The following ZFYVE28 variants were observed in gnomAD, a reference collection of about 807,000 sequenced individuals.
The protein encoded by ZFYVE28 is lateral signaling target protein 2 homolog.
ZFYVE28 carries 40 observed loss-of-function variants against 82.1 expected under a neutral mutation model. That is an observed-to-expected ratio of 0.49 (90% confidence interval 0.38 to 0.63). The LOEUF is 0.63. Among genes scored for constraint, ZFYVE28 ranks in the 30% least tolerant of loss-of-function variants. The probability of loss-of-function intolerance (pLI) is 0.00; values close to 1 mark genes in which losing one functional copy is unlikely to be tolerated. For missense variants in ZFYVE28, 1,321 were observed against 1,242.1 expected, an observed-to-expected ratio of 1.06 and a Z score of -0.96; for synonymous variants, 612 against 546.1, an observed-to-expected ratio of 1.12 and a Z score of -1.68.
Position 2,270,265 on chromosome 4 carries a change from C to T in ZFYVE28, c.*460G>A, listed in dbSNP as rs7678167. 5.8e-5 allele frequency: 10 copies of T among 172,760 alleles called. No homozygotes were observed. The highest frequency in any genetic ancestry group is 7.2e-5 in the African/African-American group (3 of 41,820). The allele number at this position is 172,760 out of a possible 1,614,324, so 10.7% of individuals were successfully genotyped here. A position where few individuals can be genotyped will look rare whatever the true frequency, so the allele number is the denominator to read the frequency against. ...GGGAGAATGGGTAGCCTGCATTTGACGTTTGGGAGGCACATAGGGAGCCCT... is the reference window on the plus strand; with the variant it reads ...GGGAGAATGGGTAGCCTGCATTTGATGTTTGGGAGGCACATAGGGAGCCCT... On this transcript the variant is annotated 3_prime_UTR_variant, in exon 13 of 13. Transcript: ENST00000290974.
Position 2,341,366 on chromosome 4 carries a change from G to T in ZFYVE28, c.318+112C>A. On this transcript the variant is annotated intron_variant, in intron 3 of 12. Coordinates refer to ENST00000290974, the MANE Select transcript of ZFYVE28 (RefSeq NM_020972.3). This position sits in a 1 kb window ranked among gnomAD's most constrained non-coding sequence, Gnocchi z 4.5. The stretch of plus-strand genomic sequence containing the variant: ...GTAACCCAGAGTGGACGGAGCTCTT[G>T]GAGGAGACACCAGGTCCCGGCACCT... 7.0e-7 allele frequency: 1 copy of T among 1,432,020 alleles called. No homozygotes were observed. The highest frequency in any genetic ancestry group is 9.5e-7 in the Non-Finnish European group (1 of 1,049,426). 88.7% of individuals were successfully genotyped at this position (1,432,020 alleles called of 1,614,324 possible).
chr4:2,270,918 C>A (rs1735850467), intron 12 of ZFYVE28, 62 bp from the exon 13 acceptor site: 1 of 1,558,658 alleles, frequency 6.4e-7, no homozygotes, highest in Admixed American at 1.9e-5. Context: ...CCTGGCTCCT[C>A]GCCCTCCCAC....
chr4:2,309,672 A>G (rs553355102), intron 7 of ZFYVE28, among the ~76,000 whole-genome samples: 2 of 152,280 alleles, frequency 1.3e-5, no homozygotes, highest in South Asian at 4.1e-4. Flanking sequence ...CCAGAAAACA[A>G]TGTTAAATGG....
intron 6 of ZFYVE28, among the ~76,000 whole-genome samples, chr4:2,326,730 G>A (rs1334556574): frequency 6.6e-6 from 1 of 152,082 alleles, no homozygotes; most frequent in East Asian, 1.9e-4. Flanking sequence ...AGTTTTCTGT[G>A]TACAGGTTTT....
At position 2,396,312 on chromosome 4, in the gene ZFYVE28, C is replaced by T; in HGVS notation, c.39+21973G>A. 3.1e-4 allele frequency among the ~76,000 whole-genome samples: 2 copies of T among 6,434 alleles called. 1 individual carries two copies. Among genetic ancestry groups the T allele is most frequent in the Non-Finnish European group, 5.4e-4 (2 of 3,680 alleles). The allele number at this position is 6,434 out of a possible 152,430, so 4.2% of individuals were successfully genotyped here. A position where few individuals can be genotyped will look rare whatever the true frequency, so the allele number is the denominator to read the frequency against. The stretch of plus-strand genomic sequence containing the variant: ...TGAGCTGATGGGACCAGCCATCCTG[C>T]AGAGGGGACACAAGGTGGGGGTGTC... On this transcript the variant is annotated intron_variant, in intron 1 of 12. Coordinates refer to ENST00000290974, the MANE Select transcript of ZFYVE28 (RefSeq NM_020972.3).
intron 1 of ZFYVE28, among the ~76,000 whole-genome samples, chr4:2,369,348 A>G (rs1727244717): frequency 6.6e-6 from 1 of 152,220 alleles, no homozygotes; most frequent in South Asian, 2.1e-4. Flanking sequence ...GGACTGGGCA[A>G]TGTGGCACCT....
intron 1 of ZFYVE28, among the ~76,000 whole-genome samples, chr4:2,384,015 G>A (rs1047101317): frequency 2.6e-5 from 4 of 152,198 alleles, no homozygotes; most frequent in African/African-American, 9.7e-5. Flanking sequence ...CACTGGGGCT[G>A]TTCTGCAAAG....
intron 8 of ZFYVE28, among the ~76,000 whole-genome samples, chr4:2,278,452 T>C (rs1025091832): frequency 1.3e-5 from 2 of 151,972 alleles, no homozygotes; most frequent in African/African-American, 4.8e-5. Context: ...CCTCCCAAAG[T>C]GCTGGGATTA....
At chr4:2,376,809 C>G (rs191228316) in intron 1 of ZFYVE28, among the ~76,000 whole-genome samples, 329 of 152,154 alleles carry the variant, frequency 2.2e-3, no homozygotes, top group African/African-American at 7.4e-3. Context: ...CCCTATGGTC[C>G]CAGCTACTTG....
In ZFYVE28 at chr4:2,305,199, C is replaced by A. The variant is rs763562745; in HGVS notation, c.1141G>T (p.Gly381Trp). ...CGCGGTCTACCTGGAGAGGCCTCCC[C>A]GCCTGGGCTGCCCTCCGCTCCTGGC... ...HRPGAEGSPG[G>W]EASPGRPRLR... The change falls in exon 8 of 13, where the codon GGG becomes TGG. Residue 381 changes from glycine to tryptophan, a missense_variant. This residue lies in a region of ZFYVE28 where 978 missense variants were observed against 833.7 expected (regional missense o/e 1.17). Transcript: ENST00000290974. 4.4e-6 allele frequency: 7 copies of A among 1,603,406 alleles called. No homozygotes were observed. The highest frequency in any genetic ancestry group is 6.0e-6 in the Non-Finnish European group (7 of 1,173,088).
chr4:2,358,975 CTTTTT>C (rs34020284), intron 1 of ZFYVE28, among the ~76,000 whole-genome samples: 1 of 125,774 alleles, frequency 8.0e-6, no homozygotes. Flanking sequence ...CCAATTTTTT[CTTTTT>C]TTTTTTTTTT....
At chr4:2,331,263 G>GGCA (rs1560215406) in intron 6 of ZFYVE28, among the ~76,000 whole-genome samples, 19 of 151,592 alleles carry the variant, frequency 1.3e-4, no homozygotes, top group Admixed American at 7.2e-4. Context: ...GCAGCGAGGC[G>GGCA]GGCAGGCAGG....
At chr4:2,322,888 G>A (rs1189759200) in intron 6 of ZFYVE28, among the ~76,000 whole-genome samples, 2 of 152,178 alleles carry the variant, frequency 1.3e-5, no homozygotes, top group Non-Finnish European at 2.9e-5. Flanking sequence ...CGTTTTCAAG[G>A]CTCACCATGC....
At chr4:2,316,428 G>A (rs1360789357) in intron 7 of ZFYVE28, 1 of 152,374 alleles carries the variant, frequency 6.6e-6, no homozygotes, top group East Asian at 1.9e-4. Flanking sequence ...CTAGGATTTA[G>A]AACTCCTGGG....
At chr4:2,274,297 A>C in intron 8 of ZFYVE28, 81 bp from the exon 9 acceptor site, 3 of 1,519,202 alleles carry the variant, frequency 2.0e-6, no homozygotes, top group Non-Finnish European at 2.7e-6. Flanking sequence ...GGTCAAGACA[A>C]AAGTCTGTGT....
intron 8 of ZFYVE28, among the ~76,000 whole-genome samples, chr4:2,297,373 C>A (rs1714749820): frequency 6.6e-6 from 1 of 152,210 alleles, no homozygotes; most frequent in Non-Finnish European, 1.5e-5. Flanking sequence ...TGAGCCCTGT[C>A]CTCACACTGG....
At chr4:2,397,440 T>G (rs1730594653) in intron 1 of ZFYVE28, among the ~76,000 whole-genome samples, 1 of 142,770 alleles carries the variant, frequency 7.0e-6, no homozygotes, top group Non-Finnish European at 1.5e-5. Context: ...AGTGCACCAC[T>G]GCACTCCAGC....
chr4:2,290,683 C>A (rs1001458790), intron 8 of ZFYVE28, among the ~76,000 whole-genome samples: 1 of 152,216 alleles, frequency 6.6e-6, no homozygotes, highest in Non-Finnish European at 1.5e-5. Context: ...GGCCTCACCC[C>A]TCTCCTGCTG....
intron 1 of ZFYVE28, among the ~76,000 whole-genome samples, chr4:2,371,549 C>T (rs2239720): frequency 0.67 from 101,170 of 151,634 alleles, 34,058 homozygotes; most frequent in East Asian, 0.8. Flanking sequence ...AGAGGCTTGA[C>T]ATATGGCAGG....
Sources: allele counts gnomAD v4.1 joint callset (sites outside exome capture counted in the v4.1 genomes callset), GRCh38; gene constraint gnomAD v4.1.1; regional missense constraint gnomAD v4.1.1; non-coding constraint Gnocchi (gnomAD v3.1); transcripts MANE v1.5; gene names NCBI Gene and HGNC (gene_info 2026-07-23, HGNC 2026-07-21).